PRKCH: variants seen among roughly 807,000 people sequenced by gnomAD.
PRKCH encodes the protein protein kinase C eta type.
PRKCH carries 28 observed loss-of-function variants against 82.5 expected under a neutral mutation model. That is an observed-to-expected ratio of 0.34 (90% CI 0.25 to 0.47). PRKCH has a LOEUF of 0.47. Ranked by LOEUF, PRKCH falls within the 20% of genes least tolerant of loss-of-function variation. The pLI is 1.00. For missense variants in PRKCH, 705 were observed against 881.8 expected (o/e 0.80, Z 2.54); for synonymous variants, 322 against 327.4 (o/e 0.98, Z 0.18).
At chr14:61,454,898 A>G (rs1257185459) in intron 7 of PRKCH, among the ~76,000 whole-genome samples, 1 of 152,154 alleles carries the variant, frequency 6.6e-6, no homozygotes, top group African/African-American at 2.4e-5. Context: ...TCAACTAATT[A>G]ATCTCTGGGT....
At chr14:61,289,210 G>A (rs2045340525) in intron 1 of PRKCH, among the ~76,000 whole-genome samples, 2 of 152,152 alleles carry the variant, frequency 1.3e-5, no homozygotes, top group Non-Finnish European at 2.9e-5. Flanking sequence ...CTAAACCCAA[G>A]TTAAGTGTAA....
intron 1 of PRKCH, among the ~76,000 whole-genome samples, chr14:61,323,560 G>A (rs2045658568): frequency 6.6e-6 from 1 of 152,182 alleles, no homozygotes; most frequent in South Asian, 2.1e-4. Flanking sequence ...CAGATGGATG[G>A]TGATGAAGGC....
chr14:61,372,473 C>T (rs1480232265), intron 1 of PRKCH, among the ~76,000 whole-genome samples: 1 of 152,064 alleles, frequency 6.6e-6, no homozygotes, highest in African/African-American at 2.4e-5. Flanking sequence ...CTGCAAACTC[C>T]TGCTCTAACA....
chr14:61,467,084 G>A (rs149009283), intron 9 of PRKCH, among the ~76,000 whole-genome samples: 3 of 152,200 alleles, frequency 2.0e-5, no homozygotes, highest in South Asian at 2.1e-4. Flanking sequence ...AAATATTAGC[G>A]AAGAAGTGGG....
chr14:61,237,242 CAAAAAA>C, intron 1 of PRKCH, among the ~76,000 whole-genome samples: 1 of 93,718 alleles, frequency 1.1e-5, no homozygotes, highest in African/African-American at 3.9e-5. Flanking sequence ...GACTCTGTTT[CAAAAAA>C]AAAAAAAAAA....
At chr14:61,424,994 G>C (rs1883036687) in intron 2 of PRKCH, among the ~76,000 whole-genome samples, 1 of 152,228 alleles carries the variant, frequency 6.6e-6, no homozygotes, top group Non-Finnish European at 1.5e-5. Flanking sequence ...GTGGTGTTGG[G>C]CCTGCAGGTA....
At chr14:61,218,483 C>G (rs1030842567) in intron 1 of PRKCH, among the ~76,000 whole-genome samples, 2 of 152,080 alleles carry the variant, frequency 1.3e-5, no homozygotes, top group East Asian at 1.9e-4. Flanking sequence ...AGTAAATGAA[C>G]CAGATTTATG....
At chr14:61,331,527 A>G (rs146160612) in intron 1 of PRKCH, among the ~76,000 whole-genome samples, 1 of 152,158 alleles carries the variant, frequency 6.6e-6, no homozygotes. Flanking sequence ...TCTCAAAAAA[A>G]GAAACAACAA....
chr14:61,454,884 C>T (rs912092505), intron 7 of PRKCH, among the ~76,000 whole-genome samples: 1 of 152,098 alleles, frequency 6.6e-6, no homozygotes, highest in African/African-American at 2.4e-5. Context: ...GGAAAATTAT[C>T]GACTCAACTA....
At chr14:61,281,037 C>T in intron 1 of PRKCH, 1 of 1,529,974 alleles carries the variant, frequency 6.5e-7, no homozygotes, top group South Asian at 1.2e-5. Context: ...AGAAGAAGAG[C>T]GGCAGCGCGA....
intron 1 of PRKCH, among the ~76,000 whole-genome samples, chr14:61,190,872 A>G (rs1015313578): frequency 1.3e-5 from 2 of 152,166 alleles, no homozygotes; most frequent in African/African-American, 4.8e-5. Flanking sequence ...CTTGCTATTT[A>G]CTTTACCTTA....
intron 1 of PRKCH, among the ~76,000 whole-genome samples, chr14:61,383,660 G>A (rs992834800): frequency 1.3e-5 from 2 of 151,728 alleles, no homozygotes; most frequent in East Asian, 3.9e-4. Flanking sequence ...CAGTTGTCCC[G>A]ACCCTGGGAG....
intron 12 of PRKCH, among the ~76,000 whole-genome samples, chr14:61,543,146 C>A (rs990889489): frequency 1.3e-5 from 2 of 152,196 alleles, no homozygotes; most frequent in African/African-American, 4.8e-5. Flanking sequence ...TTCAGCCTTC[C>A]CTGGCTTGCA....
At chr14:61,527,292 C>T (rs1391280748) in intron 10 of PRKCH, among the ~76,000 whole-genome samples, 4 of 152,056 alleles carry the variant, frequency 2.6e-5, no homozygotes, top group Non-Finnish European at 5.9e-5. Context: ...GCTTCTTGTG[C>T]ACCTGGGGTA....
intron 1 of PRKCH, among the ~76,000 whole-genome samples, chr14:61,283,923 A>C (rs573743137): frequency 2.9e-4 from 44 of 152,350 alleles, no homozygotes; most frequent in South Asian, 1.0e-3. Context: ...GGAGAAAGGC[A>C]AGTGATAACT....
chr14:61,349,052 C>T lies in PRKCH; in HGVS notation c.363+26588C>T, dbSNP rs74589915. 8.1e-3 allele frequency among the ~76,000 whole-genome samples: 1,235 copies of T among 152,316 alleles called. 15 individuals are homozygous for T. The highest frequency in any genetic ancestry group is 0.028 in the African/African-American group (1,175 of 41,562). On this transcript the variant is annotated intron_variant, in intron 1 of 13. Coordinates refer to ENST00000332981, the MANE Select transcript of PRKCH (RefSeq NM_006255.5). ...ATTTGATAAAATGATGATGGCTATC[C>T]GTTTATGCTCTTAAAAGTATGCACT... is the stretch of plus-strand genomic sequence containing the variant.
chr14:61,282,919 T>C (rs1237259385), intron 1 of PRKCH, among the ~76,000 whole-genome samples: 1 of 152,142 alleles, frequency 6.6e-6, no homozygotes. Flanking sequence ...TTTTTTTCAA[T>C]AAAAGAATAA....
At chr14:61,543,919 G>A (rs189375336) in intron 12 of PRKCH, 1 of 152,332 alleles carries the variant, frequency 6.6e-6, no homozygotes, top group Admixed American at 6.5e-5. Context: ...TCAGGCCTGG[G>A]ACTAATGTTA....
intron 10 of PRKCH, chr14:61,492,378 G>A (rs1367230320): frequency 2.0e-5 from 3 of 152,244 alleles, no homozygotes; most frequent in Non-Finnish European, 4.4e-5. Flanking sequence ...ATTAGAGCCA[G>A]AGGAGACCTC....
Sources: allele counts gnomAD v4.1 joint callset (sites outside exome capture counted in the v4.1 genomes callset), GRCh38; gene constraint gnomAD v4.1.1; transcripts MANE v1.5; gene names NCBI Gene and HGNC (gene_info 2026-07-23, HGNC 2026-07-21).